AGBL2: variants seen among roughly 807,000 people sequenced by gnomAD.
The protein encoded by AGBL2 is AGBL carboxypeptidase 2, also known as cytosolic carboxypeptidase 2.
A neutral mutation model predicts 103.0 loss-of-function variants in AGBL2; 87 were observed. The ratio of observed to expected loss-of-function variants is 0.84; its 90% CI spans 0.71 to 1.01. The LOEUF (loss-of-function observed/expected upper bound fraction) is 1.01, where lower values mean the gene tolerates loss of function less well. Among genes scored for constraint, AGBL2 ranks in the 50% least tolerant of loss-of-function variants. The pLI is 0.00. For synonymous variants in AGBL2, 335 were observed against 356.7 expected, an observed-to-expected ratio of 0.94 and a Z score of 0.69; for missense variants, 904 against 1,023.5, an observed-to-expected ratio of 0.88 and a Z score of 1.59.
Position 47,680,064 on chromosome 11 carries a change from CT to C in AGBL2, c.1924del (p.Arg642GlufsTer10). On this transcript the variant is annotated frameshift_variant, in exon 13 of 19. Coordinates refer to ENST00000525123, the MANE Select transcript of AGBL2 (RefSeq NM_024783.4). LOFTEE classifies it high-confidence loss of function. Reference sequence around the variant, plus strand: ...ATCTTCGATGGTAAAGTGGGTGTCTCTTTTATTACCTGGAAAAAAAAAAAAC... The same window carrying C: ...ATCTTCGATGGTAAAGTGGGTGTCTCTTTATTACCTGGAAAAAAAAAAAAC... ...TFGGSTLGNK[R>X]DTHFTIEDLK... 1.3e-6 allele frequency: 2 copies of C among 1,573,120 alleles called. No individual in the cohort carries two copies. The highest frequency in any genetic ancestry group is 1.7e-6 in the Non-Finnish European group (2 of 1,153,674).
Position 47,710,364 on chromosome 11 carries a change from G to A in AGBL2, c.232+13C>T. On this transcript the variant is annotated intron_variant, in intron 4 of 18. Coordinates refer to ENST00000525123, the MANE Select transcript of AGBL2 (RefSeq NM_024783.4). ...TGAGGTTCTAGAGGTCACACATACT[G>A]ATTGTTACTCACATAGAAGCTTCTC... 6.2e-7 allele frequency: 1 copy of A among 1,613,912 alleles called. No homozygotes were observed. The highest frequency in any genetic ancestry group is 1.3e-5 in the African/African-American group (1 of 75,034).
chr11:47,660,139 G>C lies in AGBL2; in HGVS notation c.*34C>G. 1.3e-6 allele frequency: 2 copies of C among 1,574,550 alleles called. No individual in the cohort carries two copies. The highest frequency in any genetic ancestry group is 1.7e-6 in the Non-Finnish European group (2 of 1,161,234). ...AAATGTGTCTAATCTCAAAACCCCCGATGAAGTGCTTGTGTGGCACAGCCC... is the reference window on the plus strand; with the variant it reads ...AAATGTGTCTAATCTCAAAACCCCCCATGAAGTGCTTGTGTGGCACAGCCC... On this transcript the variant is annotated 3_prime_UTR_variant, in exon 19 of 19. Transcript: ENST00000525123.
At chr11:47,689,196 G>T (rs1364349141) in intron 10 of AGBL2, among the ~76,000 whole-genome samples, 3 of 152,010 alleles carry the variant, frequency 2.0e-5, no homozygotes, top group African/African-American at 2.4e-5. Context: ...GATCGTAAAA[G>T]GAATTTAGAC....
intron 12 of AGBL2, among the ~76,000 whole-genome samples, chr11:47,681,753 T>A (rs1216573639): frequency 2.0e-5 from 3 of 152,194 alleles, no homozygotes; most frequent in Non-Finnish European, 4.4e-5. Context: ...CCACTGCGCC[T>A]GGCCTGATTC....
chr11:47,669,359 C>A (rs535998782), intron 14 of AGBL2, among the ~76,000 whole-genome samples: 36 of 152,250 alleles, frequency 2.4e-4, no homozygotes, highest in African/African-American at 8.2e-4. Flanking sequence ...TGAGAAATTG[C>A]GCCCAAGCAA....
intron 14 of AGBL2, among the ~76,000 whole-genome samples, chr11:47,675,147 C>T (rs2097370068): frequency 6.7e-6 from 1 of 150,076 alleles, no homozygotes; most frequent in Non-Finnish European, 1.5e-5. Context: ...GCTCAAACCT[C>T]AGACTTGGAC....
chr11:47,696,683 G>T (rs1336580304), intron 8 of AGBL2, among the ~76,000 whole-genome samples: 1 of 152,076 alleles, frequency 6.6e-6, no homozygotes, highest in Non-Finnish European at 1.5e-5. Flanking sequence ...TCGTCCTGTT[G>T]ATCTAAATTG....
chr11:47,708,463 T>C (rs556848470), intron 4 of AGBL2, among the ~76,000 whole-genome samples: 46 of 151,946 alleles, frequency 3.0e-4, no homozygotes, highest in Non-Finnish European at 5.0e-4. Flanking sequence ...TTTTTTTTTT[T>C]AGTTTGTCCT....
At chr11:47,700,184 C>A (rs1247612210) in intron 7 of AGBL2, among the ~76,000 whole-genome samples, 1 of 151,986 alleles carries the variant, frequency 6.6e-6, no homozygotes, top group Non-Finnish European at 1.5e-5. Flanking sequence ...CTCAAACTCT[C>A]GACCTCAGGT....
chr11:47,704,277 C>T (rs913764340), intron 7 of AGBL2, among the ~76,000 whole-genome samples: 1 of 151,664 alleles, frequency 6.6e-6, no homozygotes, highest in Admixed American at 6.6e-5. Flanking sequence ...GTCAGGAGTT[C>T]GAGACTAGCT....
Position 47,660,026 on chromosome 11 carries a change from A to T in AGBL2, c.*147T>A. ...ATCTTGACCACATGCCCACAGTGTAAGTACAAAGTGTAAGGTCAGTGCATG... is the reference window on the plus strand; with the variant it reads ...ATCTTGACCACATGCCCACAGTGTATGTACAAAGTGTAAGGTCAGTGCATG... On this transcript the variant is annotated 3_prime_UTR_variant, in exon 19 of 19. Transcript: ENST00000525123. The T allele has an allele frequency of 6.9e-6, 5 of 729,034 alleles. No homozygotes were observed. Among genetic ancestry groups the T allele is most frequent in the Non-Finnish European group, 1.0e-5 (5 of 482,642 alleles). The allele number at this position is 729,034 out of a possible 1,614,324, so 45.2% of individuals were successfully genotyped here.
chr11:47,702,340 C>T lies in AGBL2; in HGVS notation c.586+2203G>A, dbSNP rs4752789. 1.7e-3 allele frequency among the ~76,000 whole-genome samples: 258 copies of T among 152,216 alleles called. 1 individual carries two copies. The highest frequency in any genetic ancestry group is 6.8e-3 in the Middle Eastern group (2 of 294). On this transcript the variant is annotated intron_variant, in intron 7 of 18. Transcript: ENST00000525123. ...ATCATTTCGAACTCATCCTTTAGAT[C>T]TCAGCTTAGTTGTCAACTCCTTTTG...
chr11:47,696,274 G>GT (rs2097473304), intron 8 of AGBL2, among the ~76,000 whole-genome samples: 1 of 149,016 alleles, frequency 6.7e-6, no homozygotes, highest in African/African-American at 2.5e-5. Context: ...TTTGTTTTTT[G>GT]TTTTTTGAGA....
At chr11:47,696,176 A>T (rs1254717883) in intron 8 of AGBL2, among the ~76,000 whole-genome samples, 2 of 106,820 alleles carry the variant, frequency 1.9e-5, no homozygotes, top group African/African-American at 7.2e-5. Flanking sequence ...AGTAAGTGAG[A>T]CTCTGTCTCA....
intron 7 of AGBL2, among the ~76,000 whole-genome samples, chr11:47,703,635 A>G (rs2097506302): frequency 2.0e-5 from 3 of 152,010 alleles, no homozygotes; most frequent in African/African-American, 7.2e-5. Context: ...TAATAAAAAT[A>G]AAAAACTAGC....
At chr11:47,678,465 C>A (rs1279837819) in intron 13 of AGBL2, among the ~76,000 whole-genome samples, 1 of 150,884 alleles carries the variant, frequency 6.6e-6, no homozygotes, top group Non-Finnish European at 1.5e-5. Context: ...TCCCGAGCAG[C>A]TGGGATTACA....
intron 13 of AGBL2, among the ~76,000 whole-genome samples, chr11:47,678,497 C>T (rs1285380035): frequency 1.3e-5 from 2 of 148,622 alleles, no homozygotes; most frequent in Non-Finnish European, 3.0e-5. Flanking sequence ...CCACGCCTGG[C>T]TAAATTTTTG....
intron 7 of AGBL2, among the ~76,000 whole-genome samples, chr11:47,700,494 G>A (rs1006853761): frequency 5.9e-5 from 9 of 151,948 alleles, no homozygotes; most frequent in Admixed American, 2.0e-4. Flanking sequence ...TAGGAGAATC[G>A]CTCTAACCTG....
intron 14 of AGBL2, among the ~76,000 whole-genome samples, chr11:47,673,770 G>C (rs574981683): frequency 1.4e-5 from 2 of 142,930 alleles, no homozygotes; most frequent in South Asian, 4.7e-4. Flanking sequence ...CTCCAGCCTG[G>C]GTGACAGAGA....
Sources: gnomAD v4.1 joint callset for allele counts (sites outside exome capture counted in the v4.1 genomes callset) on GRCh38, gnomAD v4.1.1 for gene constraint, MANE v1.5 for transcripts, NCBI Gene and HGNC (gene_info 2026-07-23, HGNC 2026-07-21) for gene names.